Variants in PCDH15 observed in about 807,000 individuals in gnomAD.
PCDH15 encodes protocadherin related 15.
A neutral mutation model predicts 178.5 loss-of-function variants in PCDH15; 129 were observed. The ratio of observed to expected loss-of-function variants is 0.72; its 90% confidence interval spans 0.63 to 0.84. The LOEUF (loss-of-function observed/expected upper bound fraction) is 0.84. Among genes scored for constraint, PCDH15 ranks in the 40% least tolerant of loss-of-function variants. The probability of loss-of-function intolerance (pLI) is 0.00; values close to 1 mark genes in which losing one functional copy is unlikely to be tolerated. For missense variants in PCDH15, 2,230 were observed against 2,099.9 expected (o/e 1.06, Z -1.21); for synonymous variants, 800 against 732.0 (o/e 1.09, Z -1.50).
chr10:55,006,361 C>T lies in PCDH15; in HGVS notation c.-79-108861G>A, dbSNP rs572181284. On this transcript the variant is annotated intron_variant, in intron 2 of 5. Transcript: ENST00000458638. ...TCCCTTAATCCATTATTAAGCCATC[C>T]AAATCAACCACCAAAATAATATTTA... Among the ~76,000 whole-genome samples the T allele has an allele frequency of 1.5e-4, 23 of 152,132 alleles. No homozygotes were observed. The East Asian group carries it at 4.4e-3, about 29-fold the overall frequency.
At chr10:54,501,002 A>G (rs567757743) in intron 3 of PCDH15, among the ~76,000 whole-genome samples, 151 of 152,056 alleles carry the variant, frequency 9.9e-4, no homozygotes, top group Middle Eastern at 3.4e-3. Context: ...AAAACCAAAC[A>G]CCACATGTTC....
chr10:55,344,729 C>T (rs1321776649), intron 2 of PCDH15, among the ~76,000 whole-genome samples: 1 of 151,966 alleles, frequency 6.6e-6, no homozygotes, highest in Admixed American at 6.6e-5. Flanking sequence ...TGATTATAGA[C>T]TTCAAGGAAT....
chr10:54,630,367 C>T (rs983793458), intron 2 of PCDH15, among the ~76,000 whole-genome samples: 7 of 152,118 alleles, frequency 4.6e-5, no homozygotes, highest in African/African-American at 1.4e-4. Context: ...TGCTTACTTA[C>T]AACCATTTGA....
chr10:54,024,354 T>C (rs1370729543), intron 18 of PCDH15, among the ~76,000 whole-genome samples: 2 of 152,108 alleles, frequency 1.3e-5, no homozygotes, highest in African/African-American at 4.8e-5. Context: ...AACAAGACAC[T>C]TGGCTGCCTT....
chr10:53,938,583 T>C (rs1247704513), intron 25 of PCDH15, among the ~76,000 whole-genome samples: 4 of 152,148 alleles, frequency 2.6e-5, no homozygotes, highest in Non-Finnish European at 5.9e-5. Flanking sequence ...TTAACAATAT[T>C]GGATACACAA....
At chr10:55,224,469 A>G (rs1340104983) in intron 1 of PCDH15, among the ~76,000 whole-genome samples, 5 of 152,008 alleles carry the variant, frequency 3.3e-5, no homozygotes, top group African/African-American at 4.8e-5. Flanking sequence ...CTCAGCCACA[A>G]TGTGAAGAAA....
chr10:54,603,356 C>A (rs552935790), intron 2 of PCDH15, among the ~76,000 whole-genome samples: 27 of 151,842 alleles, frequency 1.8e-4, no homozygotes, highest in African/African-American at 6.3e-4. Context: ...TTTGAAATAG[C>A]TTTTTTGTCC....
chr10:55,303,665 A>T (rs1441973209), intron 1 of PCDH15, among the ~76,000 whole-genome samples: 1 of 151,964 alleles, frequency 6.6e-6, no homozygotes, highest in Non-Finnish European at 1.5e-5. Context: ...AAATAGGTGT[A>T]TTTCATCTAA....
chr10:54,471,189 T>C (rs141405639), intron 3 of PCDH15, among the ~76,000 whole-genome samples: 12 of 152,210 alleles, frequency 7.9e-5, no homozygotes, highest in African/African-American at 2.4e-4. Context: ...AAAACATATT[T>C]ATTGTGTATT....
intron 2 of PCDH15, among the ~76,000 whole-genome samples, chr10:54,593,143 T>C (rs552086196): frequency 6.6e-6 from 1 of 152,300 alleles, no homozygotes; most frequent in Admixed American, 6.5e-5. Flanking sequence ...CTGTTGATTG[T>C]TTCTTTTACT....
chr10:55,431,801 T>C (rs1838885556), intron 2 of PCDH15, among the ~76,000 whole-genome samples: 2 of 151,948 alleles, frequency 1.3e-5, no homozygotes, highest in Admixed American at 1.3e-4. Flanking sequence ...CCAAATGTCA[T>C]CCCCATTAAA....
At chr10:54,435,220 C>T (rs1286368200) in intron 3 of PCDH15, among the ~76,000 whole-genome samples, 1 of 152,142 alleles carries the variant, frequency 6.6e-6, no homozygotes, top group Non-Finnish European at 1.5e-5. Context: ...CTAGACACAC[C>T]AGCCTTTTAA....
intron 13 of PCDH15, among the ~76,000 whole-genome samples, chr10:54,181,956 G>GT (rs1169488521): frequency 1.3e-5 from 2 of 151,982 alleles, no homozygotes; most frequent in African/African-American, 4.8e-5. Flanking sequence ...TTGTTTGTTT[G>GT]TTTTTTGTGT....
At chr10:54,415,966 ACTTT>A (rs1454833562) in intron 3 of PCDH15, among the ~76,000 whole-genome samples, 4 of 151,672 alleles carry the variant, frequency 2.6e-5, no homozygotes, top group African/African-American at 4.8e-5. Flanking sequence ...TAAAAAATCG[ACTTT>A]TTTATTTTTT....
At chr10:55,489,411 T>C (rs912783341) in intron 2 of PCDH15, among the ~76,000 whole-genome samples, 8 of 151,650 alleles carry the variant, frequency 5.3e-5, no homozygotes, top group African/African-American at 1.7e-4. Context: ...TGGAATCCTA[T>C]TATTTAATTT....
At chr10:54,573,702 CGATA>C (rs5785085) in intron 2 of PCDH15, among the ~76,000 whole-genome samples, 142,131 of 151,890 alleles carry the variant, frequency 0.94, 66,780 homozygotes, top group Middle Eastern at 0.98. Flanking sequence ...TTATCTTTAT[CGATA>C]GTTTTCCCCA....
At chr10:53,995,154 G>C (rs929049744) in intron 21 of PCDH15, 1 of 157,124 alleles carries the variant, frequency 6.4e-6, no homozygotes, top group African/African-American at 2.4e-5. Context: ...AGATAATTTG[G>C]GATATCTCAA....
intron 2 of PCDH15, among the ~76,000 whole-genome samples, chr10:55,000,949 CA>C (rs1445418181): frequency 6.6e-6 from 1 of 152,130 alleles, no homozygotes; most frequent in Non-Finnish European, 1.5e-5. Context: ...CACCCATGGA[CA>C]AATTAGCATG....
intron 37 of PCDH15, chr10:53,808,702 G>C: frequency 6.2e-7 from 1 of 1,612,640 alleles, no homozygotes; most frequent in Non-Finnish European, 8.5e-7. Flanking sequence ...TCAAAGTGCT[G>C]TGTTGTAACC....
Sources: allele counts gnomAD v4.1 joint callset (sites outside exome capture counted in the v4.1 genomes callset), GRCh38; gene constraint gnomAD v4.1.1; transcripts MANE v1.5; gene names NCBI Gene and HGNC (gene_info 2026-07-23, HGNC 2026-07-21).